Variants in KCND3 observed in about 807,000 individuals in gnomAD.
KCND3 encodes A-type voltage-gated potassium channel KCND3.
KCND3 carries 9 observed loss-of-function variants against 51.1 expected under a neutral mutation model. The ratio of observed to expected loss-of-function variants is 0.18; its 90% confidence interval spans 0.11 to 0.31. The LOEUF (loss-of-function observed/expected upper bound fraction) is 0.31. Among genes scored for constraint, KCND3 ranks in the 10% least tolerant of loss-of-function variants. The probability of loss-of-function intolerance (pLI) is 1.00; values close to 1 mark genes in which losing one functional copy is unlikely to be tolerated. For synonymous variants in KCND3, 349 were observed against 368.0 expected, an observed-to-expected ratio of 0.95 and a Z score of 0.59; for missense variants, 526 against 903.8, an observed-to-expected ratio of 0.58 and a Z score of 5.36.
intron 1 of KCND3, among the ~76,000 whole-genome samples, chr1:111,985,630 T>C (rs1362990761): frequency 2.0e-5 from 3 of 152,152 alleles, no homozygotes; most frequent in Admixed American, 1.3e-4. Context: ...TTGCCAAGGG[T>C]GAGCGTTCTT....
intron 2 of KCND3, among the ~76,000 whole-genome samples, chr1:111,931,791 C>A (rs1671984482): frequency 6.6e-6 from 1 of 152,196 alleles, no homozygotes; most frequent in Non-Finnish European, 1.5e-5. Context: ...ATCTTCTGTG[C>A]CATGAGATAA....
At chr1:111,874,500 C>T (rs747241760) in intron 2 of KCND3, among the ~76,000 whole-genome samples, 1 of 152,144 alleles carries the variant, frequency 6.6e-6, no homozygotes, top group Non-Finnish European at 1.5e-5. Flanking sequence ...ATCTCCATCT[C>T]GGGAGAGCAG....
chr1:111,783,793 A>ATGTATCC (rs55951301), intron 3 of KCND3, among the ~76,000 whole-genome samples: 3,189 of 152,350 alleles, frequency 0.021, 39 homozygotes, highest in Non-Finnish European at 0.031. Context: ...CAAATAAACA[A>ATGTATCC]ACTGGTACAT....
At chr1:111,806,192 G>T (rs1665563124) in intron 2 of KCND3, among the ~76,000 whole-genome samples, 1 of 152,194 alleles carries the variant, frequency 6.6e-6, no homozygotes, top group South Asian at 2.1e-4. Flanking sequence ...ACTCAAAGGG[G>T]GGCACATCTT....
intron 2 of KCND3, among the ~76,000 whole-genome samples, chr1:111,827,379 C>T (rs1666625957): frequency 6.6e-6 from 1 of 152,150 alleles, no homozygotes; most frequent in African/African-American, 2.4e-5. Context: ...AGCACTTGGT[C>T]CCTTGACTTT....
chr1:111,840,745 TAG>T (rs1421976648), intron 2 of KCND3, among the ~76,000 whole-genome samples: 1 of 152,204 alleles, frequency 6.6e-6, no homozygotes, highest in Non-Finnish European at 1.5e-5. Context: ...TTGTGCTCTG[TAG>T]ACTCTCCCTT....
At position 111,982,052 on chromosome 1, in the gene KCND3, G is replaced by A. The variant is rs1674976675; in HGVS notation, c.675C>T (p.Ala225=). The change falls in exon 2 of 8, where the codon GCC becomes GCT. Residue 225 remains alanine, a synonymous_variant. Coordinates refer to ENST00000302127, the MANE Select transcript of KCND3 (RefSeq NM_001378969.1). This position sits in a 1 kb window ranked among gnomAD's most constrained non-coding sequence, Gnocchi z 8.5. ...CGCACGCCGTGTCCAGGCAGAAGAA[G>A]GCCACCGAGTAGCGCTCCCCGCACG... ...ELPCGERYSV[A]FFCLDTACVM... 6.2e-7 allele frequency: 1 copy of A among 1,613,668 alleles called. No homozygotes were observed. Among genetic ancestry groups the A allele is most frequent in the Non-Finnish European group, 8.5e-7 (1 of 1,179,986 alleles).
chr1:111,793,494 A>G (rs576998705), intron 2 of KCND3, among the ~76,000 whole-genome samples: 18 of 150,514 alleles, frequency 1.2e-4, no homozygotes, highest in Non-Finnish European at 2.4e-4. Flanking sequence ...TATTCTTAAA[A>G]TGCAAATCAA....
chr1:111,778,352 A>G (rs1317893772), intron 6 of KCND3, 84 bp downstream of exon 6: 3 of 1,296,310 alleles, frequency 2.3e-6, no homozygotes, highest in Non-Finnish European at 3.4e-6. Context: ...GCACAGAACC[A>G]GGCCGGGGGG....
At chr1:111,807,363 T>A (rs953524901) in intron 2 of KCND3, among the ~76,000 whole-genome samples, 2 of 152,358 alleles carry the variant, frequency 1.3e-5, no homozygotes, top group Non-Finnish European at 2.9e-5. Flanking sequence ...TGTGTTACAG[T>A]TGTCTGCAGT....
intron 2 of KCND3, among the ~76,000 whole-genome samples, chr1:111,893,173 AC>A (rs1186877310): frequency 6.6e-6 from 1 of 152,214 alleles, no homozygotes; most frequent in African/African-American, 2.4e-5. Context: ...ACAAACAATT[AC>A]AATAAACAGT....
intron 2 of KCND3, among the ~76,000 whole-genome samples, chr1:111,863,570 A>G (rs1178259398): frequency 6.6e-6 from 1 of 152,222 alleles, no homozygotes; most frequent in African/African-American, 2.4e-5. Flanking sequence ...TGTGCTTTTG[A>G]AAACAGCCAC....
intron 2 of KCND3, among the ~76,000 whole-genome samples, chr1:111,957,559 T>G (rs1468080224): frequency 6.8e-6 from 1 of 146,722 alleles, no homozygotes; most frequent in East Asian, 2.0e-4. Context: ...GATATAAGTT[T>G]AAAAAAAAAA....
rs140247639 is a variant in KCND3, at chr1:111,949,029, G to A, written c.1106+32592C>T. On this transcript the variant is annotated intron_variant, in intron 2 of 7. Coordinates refer to ENST00000302127, the MANE Select transcript of KCND3 (RefSeq NM_001378969.1). ...AGCCTTTCTGAGCCTCACTCTGAGT[G>A]TCTAGGCTTGTGGGAGGTGTAGAAG... Among the ~76,000 whole-genome samples the A allele has an allele frequency of 4.4e-3, 677 of 152,334 alleles. 5 individuals carry two copies. The highest frequency in any genetic ancestry group is 0.016 in the African/African-American group (654 of 41,580).
At chr1:111,782,205 ACAGTCT>A (rs1196919612) in intron 3 of KCND3, among the ~76,000 whole-genome samples, 5 of 152,180 alleles carry the variant, frequency 3.3e-5, no homozygotes, top group Non-Finnish European at 7.3e-5. Context: ...AAAGGAGGCC[ACAGTCT>A]CAGGGGTTCA....
intron 2 of KCND3, among the ~76,000 whole-genome samples, chr1:111,806,750 C>T (rs76098744): frequency 0.02 from 3,074 of 152,198 alleles, 118 homozygotes; most frequent in East Asian, 0.15. Context: ...AAGAGGTGAG[C>T]CCAGTATTCA....
At chr1:111,830,909 G>C (rs1463248801) in intron 2 of KCND3, among the ~76,000 whole-genome samples, 1 of 152,178 alleles carries the variant, frequency 6.6e-6, no homozygotes, top group Non-Finnish European at 1.5e-5. Context: ...AGGTCATTGG[G>C]ATTCTTGGTA....
intron 2 of KCND3, among the ~76,000 whole-genome samples, chr1:111,820,548 G>A (rs1234396241): frequency 6.6e-6 from 1 of 152,210 alleles, no homozygotes; most frequent in Non-Finnish European, 1.5e-5. Flanking sequence ...GAGGTTCTCA[G>A]AGGTTAAAAA....
chr1:111,835,601 A>G (rs1191834909), intron 2 of KCND3, among the ~76,000 whole-genome samples: 1 of 152,198 alleles, frequency 6.6e-6, no homozygotes. Flanking sequence ...TATTCTAATT[A>G]TAATCATTAG....
Sources: allele counts gnomAD v4.1 joint callset (sites outside exome capture counted in the v4.1 genomes callset), GRCh38; gene constraint gnomAD v4.1.1; non-coding constraint Gnocchi (gnomAD v3.1); transcripts MANE v1.5; gene names NCBI Gene and HGNC (gene_info 2026-07-23, HGNC 2026-07-21).